The following ELAPOR1 variants were observed in gnomAD, a reference collection of about 807,000 sequenced individuals.
The protein encoded by ELAPOR1 is endosome/lysosome-associated apoptosis and autophagy regulator 1.
A neutral mutation model predicts 119.7 loss-of-function variants in ELAPOR1; 77 were observed. The observed-to-expected ratio is 0.64, with a 90% CI of 0.54 to 0.78. The LOEUF (loss-of-function observed/expected upper bound fraction) is 0.78, where lower values mean the gene tolerates loss of function less well. Among genes scored for constraint, ELAPOR1 ranks in the 30% least tolerant of loss-of-function variants. The pLI is 0.00. For synonymous variants in ELAPOR1, 481 were observed against 487.2 expected, an observed-to-expected ratio of 0.99 and a Z score of 0.17; for missense variants, 1,115 against 1,270.4, an observed-to-expected ratio of 0.88 and a Z score of 1.86.
chr1:109,168,493 T>G (rs1319556449), intron 3 of ELAPOR1, among the ~76,000 whole-genome samples: 1 of 152,188 alleles, frequency 6.6e-6, no homozygotes, highest in African/African-American at 2.4e-5. Context: ...CATGGCAGGA[T>G]TCTGAGCCTT....
At chr1:109,167,987 AGTCCACTACCTTCCCACAGCCTGCAGG>A (rs1171075482) in intron 3 of ELAPOR1, among the ~76,000 whole-genome samples, 5 of 152,132 alleles carry the variant, frequency 3.3e-5, no homozygotes, top group African/African-American at 7.2e-5. Flanking sequence ...CTTGGGATAA[AGTCCACTACCTTCCCACAGCCTGCAGG>A]GCCCTGCTGC....
chr1:109,114,414 G>C, intron 1 of ELAPOR1, 78 bp downstream of exon 1: 1 of 1,440,846 alleles, frequency 6.9e-7, no homozygotes, highest in Non-Finnish European at 9.2e-7. Flanking sequence ...GGACCCAGGC[G>C]CAGAGAGTTT....
At chr1:109,192,973 G>A (rs902180507) in intron 14 of ELAPOR1, 99 bp downstream of exon 14, 32 of 1,343,712 alleles carry the variant, frequency 2.4e-5, no homozygotes, top group South Asian at 1.7e-4. Flanking sequence ...GCTGATACCC[G>A]AGTGCTCCCC....
chr1:109,202,271 C>G (rs1205634814), intron 21 of ELAPOR1, among the ~76,000 whole-genome samples: 1 of 151,662 alleles, frequency 6.6e-6, no homozygotes, highest in South Asian at 2.1e-4. Flanking sequence ...TGCCATCACA[C>G]CTGGCTAATT....
At chr1:109,137,278 A>G (rs753123830) in intron 1 of ELAPOR1, among the ~76,000 whole-genome samples, 8 of 151,322 alleles carry the variant, frequency 5.3e-5, no homozygotes, top group Non-Finnish European at 8.8e-5. Flanking sequence ...ATCTCGGCTC[A>G]CTGCAACCTC....
intron 1 of ELAPOR1, among the ~76,000 whole-genome samples, chr1:109,135,119 AGCAGGGTTCCCAAACT>A (rs2100987409): frequency 6.6e-6 from 1 of 152,304 alleles, no homozygotes; most frequent in East Asian, 1.9e-4. Flanking sequence ...CCTGGTTTAG[AGCAGGGTTCCCAAACT>A]GCAGTAGGTA....
chr1:109,177,146 C>T (rs1307660161), intron 7 of ELAPOR1, among the ~76,000 whole-genome samples: 8 of 148,856 alleles, frequency 5.4e-5, no homozygotes, highest in Middle Eastern at 3.5e-3. Flanking sequence ...GGGTGGTGGC[C>T]GGGCAGAGGG....
intron 1 of ELAPOR1, among the ~76,000 whole-genome samples, chr1:109,116,620 G>A (rs1470045561): frequency 2.6e-5 from 4 of 151,592 alleles, no homozygotes; most frequent in African/African-American, 9.7e-5. Context: ...AAACAAGTTT[G>A]GGGGCTTCCA....
At chr1:109,177,853 A>G (rs1652442369) in intron 7 of ELAPOR1, among the ~76,000 whole-genome samples, 1 of 152,004 alleles carries the variant, frequency 6.6e-6, no homozygotes, top group South Asian at 2.1e-4. Context: ...CTTCTCATAG[A>G]AGTGTTTTGA....
chr1:109,203,331 ATCT>A lies in ELAPOR1; in HGVS notation c.*324_*326del, dbSNP rs1461395902. 2.2e-5 allele frequency: 7 copies of A among 320,514 alleles called. No individual in the cohort carries two copies. The highest frequency in any genetic ancestry group is 4.5e-5 in the African/African-American group (2 of 44,900). 19.9% of individuals were successfully genotyped at this position (320,514 alleles called of 1,614,324 possible). A position where few individuals can be genotyped will look rare whatever the true frequency, so the allele number is the denominator to read the frequency against. On this transcript the variant is annotated 3_prime_UTR_variant, in exon 22 of 22. Coordinates refer to ENST00000369939, the MANE Select transcript of ELAPOR1 (RefSeq NM_020775.5). The stretch of plus-strand genomic sequence containing the variant: ...ATAGCTTTGGAATGAAAATATTTCT[ATCT>A]TCTTAAGTATAGAAACTATTTCCTC...
chr1:109,189,252 C>G lies in ELAPOR1; in HGVS notation c.1348+58C>G. On this transcript the variant is annotated intron_variant, in intron 10 of 21. Coordinates refer to ENST00000369939, the MANE Select transcript of ELAPOR1 (RefSeq NM_020775.5). ...GCTCCCTGCACACCCTCAGTTCTTC[C>G]AACTTCACATTTCTTCATAATAGTG... 1.9e-6 allele frequency: 3 copies of G among 1,570,820 alleles called. No individual in the cohort carries two copies. The South Asian group carries it at 3.5e-5, about 18-fold the overall frequency.
At chr1:109,125,975 C>T (rs1648752661) in intron 1 of ELAPOR1, among the ~76,000 whole-genome samples, 1 of 152,240 alleles carries the variant, frequency 6.6e-6, no homozygotes, top group Admixed American at 6.5e-5. Flanking sequence ...TCCCACACTA[C>T]GCCAGCCTCC....
rs911362458 is a variant in ELAPOR1, at chr1:109,173,843, G to A, written c.952+6G>A. 6.2e-7 allele frequency: 1 copy of A among 1,613,558 alleles called. No homozygotes were observed. Among genetic ancestry groups the A allele is most frequent in the African/African-American group, 1.3e-5 (1 of 74,998 alleles). On this transcript the variant is annotated splice_donor_region_variant and intron_variant, in intron 7 of 21. Coordinates refer to ENST00000369939, the MANE Select transcript of ELAPOR1 (RefSeq NM_020775.5). ...TGACCCTGACAAATACTCAGGTGAT[G>A]TTTCTGAGGGTGGGAAGAGTTTGGG...
Position 109,194,347 on chromosome 1 carries a change from A to G in ELAPOR1, c.1948-74A>G, listed in dbSNP as rs1570723536. The G allele has an allele frequency of 5.0e-6, 7 of 1,402,692 alleles. No homozygotes were observed. In the East Asian group the frequency reaches 1.6e-4, roughly 32 times the overall value. The allele number at this position is 1,402,692 out of a possible 1,614,324, so 86.9% of individuals were successfully genotyped here. A position where few individuals can be genotyped will look rare whatever the true frequency, so the allele number is the denominator to read the frequency against. On this transcript the variant is annotated intron_variant, in intron 14 of 21. Transcript: ENST00000369939. ...TTGGGCGGGACCAGACGGGGGAGAA[A>G]ACTGCTACTCTTGGCTGCAGGCCCT...
intron 1 of ELAPOR1, among the ~76,000 whole-genome samples, chr1:109,160,941 T>C (rs1651209917): frequency 6.6e-6 from 1 of 152,232 alleles, no homozygotes; most frequent in African/African-American, 2.4e-5. Flanking sequence ...GTTTTGTTGT[T>C]ATTCCATTTA....
In ELAPOR1 at chr1:109,198,043, C is replaced by T; in HGVS notation, c.2367C>T (p.Ser789=). The T allele has an allele frequency of 6.2e-7, 1 of 1,614,006 alleles. No individual in the cohort carries two copies. Residue 789 remains serine, a synonymous_variant, in exon 17 of 22, where the codon TCC becomes TCT. Transcript: ENST00000369939. ...CAGCTGAACTTTTCCACCTGGAGTC[C>T]TTGGGAATACCGGACGTGATCTTCT... is the stretch of plus-strand genomic sequence containing the variant. ...TSPAELFHLE[S]LGIPDVIFFY... is the part of the protein sequence containing the mutation.
intron 3 of ELAPOR1, among the ~76,000 whole-genome samples, chr1:109,171,377 G>A (rs1219440763): frequency 6.6e-6 from 1 of 151,870 alleles, no homozygotes; most frequent in African/African-American, 2.4e-5. Flanking sequence ...GTGAAAACCT[G>A]TCTCTACTAA....
rs947018201 is a variant in ELAPOR1, at chr1:109,141,048, C to T, written c.154-20846C>T. On this transcript the variant is annotated intron_variant, in intron 1 of 21. Transcript: ENST00000369939. The stretch of plus-strand genomic sequence containing the variant: ...TGTGTTTTTAGTAGAGACGGGGTTT[C>T]ACCGGGTTGGCCAGGCTGGCCTCGA... Among the ~76,000 whole-genome samples, 4 of 152,054 alleles carry T rather than the reference C, an allele frequency of 2.6e-5. No individual in the cohort carries two copies. The East Asian group carries it at 7.7e-4, about 29-fold the overall frequency.
chr1:109,122,215 G>A (rs1172088853), intron 1 of ELAPOR1, among the ~76,000 whole-genome samples: 3 of 151,402 alleles, frequency 2.0e-5, no homozygotes, highest in African/African-American at 7.3e-5. Context: ...GATTACAAGC[G>A]TGCACCACCA....
Sources: allele counts gnomAD v4.1 joint callset (sites outside exome capture counted in the v4.1 genomes callset), GRCh38; gene constraint gnomAD v4.1.1; transcripts MANE v1.5; gene names NCBI Gene and HGNC (gene_info 2026-07-23, HGNC 2026-07-21).